CDK5RAP2: variants seen among roughly 807,000 people sequenced by gnomAD.
The protein encoded by CDK5RAP2 is CDK5 regulatory subunit-associated protein 2.
In CDK5RAP2, 147 loss-of-function variants were observed where a neutral mutation model predicts 232.9. The ratio of observed to expected loss-of-function variants is 0.63; its 90% CI spans 0.55 to 0.72. The LOEUF is 0.72. Among genes scored for constraint, CDK5RAP2 ranks in the 30% least tolerant of loss-of-function variants. The pLI, the probability that CDK5RAP2 is intolerant of heterozygous loss-of-function variation, is 0.00. For synonymous variants in CDK5RAP2, 833 were observed against 833.7 expected (o/e 1.00, Z 0.01); for missense variants, 2,195 against 2,231.5 (o/e 0.98, Z 0.33).
intron 12 of CDK5RAP2, among the ~76,000 whole-genome samples, chr9:120,496,432 G>A (rs1249070859): frequency 3.8e-5 from 5 of 131,278 alleles, no homozygotes; most frequent in East Asian, 4.9e-4. Context: ...GGGAGGTGAG[G>A]GGCGCCTCTG....
chr9:120,468,035 C>A, intron 17 of CDK5RAP2, 38 bp from the exon 18 acceptor site: 1 of 1,611,536 alleles, frequency 6.2e-7, no homozygotes, highest in Non-Finnish European at 8.5e-7. Flanking sequence ...GTCTACCCAG[C>A]AAGAGACTTC....
Position 120,493,399 on chromosome 9 carries a change from C to T in CDK5RAP2, c.1312-1922G>A, listed in dbSNP as rs768425390. ...TTTCACTTTCCTGTATGAGCTGCACCTCAGGGTAACTAAATAGGTGATGAA... is the reference window on the plus strand; with the variant it reads ...TTTCACTTTCCTGTATGAGCTGCACTTCAGGGTAACTAAATAGGTGATGAA... On this transcript the variant is annotated intron_variant, in intron 12 of 37. Transcript: ENST00000349780. Among the ~76,000 whole-genome samples the T allele has an allele frequency of 1.1e-3, 161 of 152,290 alleles. 1 individual carries two copies. The highest frequency in any genetic ancestry group is 4.9e-4 in the Non-Finnish European group (33 of 68,036).
chr9:120,517,026 G>C (rs1029157538), intron 12 of CDK5RAP2, among the ~76,000 whole-genome samples: 2 of 152,170 alleles, frequency 1.3e-5, no homozygotes, highest in African/African-American at 4.8e-5. Context: ...GAAAGGGTAT[G>C]CATCATAATT....
At chr9:120,533,687 G>A in intron 7 of CDK5RAP2, among the ~76,000 whole-genome samples, 1 of 151,388 alleles carries the variant, frequency 6.6e-6, no homozygotes, top group Non-Finnish European at 1.5e-5. Flanking sequence ...AATCCCAGCT[G>A]CTCAGGAGGC....
At chr9:120,483,032 G>A (rs1394466391) in intron 14 of CDK5RAP2, among the ~76,000 whole-genome samples, 1 of 152,252 alleles carries the variant, frequency 6.6e-6, no homozygotes, top group Non-Finnish European at 1.5e-5. Flanking sequence ...CCAAAGGGGA[G>A]TCATGAGAAG....
chr9:120,412,230 G>A (rs1451909501), intron 28 of CDK5RAP2, among the ~76,000 whole-genome samples: 1 of 150,882 alleles, frequency 6.6e-6, no homozygotes, highest in African/African-American at 2.4e-5. Context: ...CTATTTCACA[G>A]GTAACATTCA....
At chr9:120,506,488 C>T (rs1213000925) in intron 12 of CDK5RAP2, among the ~76,000 whole-genome samples, 1 of 152,172 alleles carries the variant, frequency 6.6e-6, no homozygotes, top group Non-Finnish European at 1.5e-5. Flanking sequence ...TTAAAAAATA[C>T]ATCTGTAAAG....
chr9:120,508,816 T>C, intron 12 of CDK5RAP2, among the ~76,000 whole-genome samples: 1 of 152,248 alleles, frequency 6.6e-6, no homozygotes, highest in East Asian at 1.9e-4. Context: ...ATTCGGTCCA[T>C]TCCACTATCA....
intron 12 of CDK5RAP2, among the ~76,000 whole-genome samples, chr9:120,501,036 T>C (rs1014174780): frequency 6.6e-6 from 1 of 152,196 alleles, no homozygotes; most frequent in African/African-American, 2.4e-5. Context: ...GCACCTACCA[T>C]TGTTCCAGGC....
At chr9:120,437,094 G>C (rs1414665151) in intron 25 of CDK5RAP2, among the ~76,000 whole-genome samples, 1 of 152,102 alleles carries the variant, frequency 6.6e-6, no homozygotes, top group African/African-American at 2.4e-5. Flanking sequence ...CTGGACTCCT[G>C]GTTTGTAACA....
intron 25 of CDK5RAP2, among the ~76,000 whole-genome samples, chr9:120,428,675 G>A (rs919912961): frequency 5.3e-5 from 8 of 152,132 alleles, no homozygotes; most frequent in Non-Finnish European, 1.0e-4. Context: ...TTCTACCAGA[G>A]GTACAAGGAG....
At chr9:120,419,259 CA>C (rs896727878) in intron 27 of CDK5RAP2, among the ~76,000 whole-genome samples, 8 of 152,182 alleles carry the variant, frequency 5.3e-5, no homozygotes, top group Non-Finnish European at 8.8e-5. Flanking sequence ...ATAAGTCACC[CA>C]TTCTATGGCG....
intron 32 of CDK5RAP2, chr9:120,406,706 G>A: frequency 2.6e-6 from 1 of 389,634 alleles, no homozygotes; most frequent in South Asian, 5.7e-5. Context: ...AGAAATTTCA[G>A]CATCAAAGTG....
Position 120,569,676 on chromosome 9 carries a change from G to A in CDK5RAP2, c.128-1288C>T, listed in dbSNP as rs553003855. Among the ~76,000 whole-genome samples, 99 of 152,272 alleles carry A rather than the reference G, an allele frequency of 6.5e-4. 1 individual carries two copies. Among genetic ancestry groups the A allele is most frequent in the Admixed American group, 1.8e-3 (27 of 15,290 alleles). On this transcript the variant is annotated intron_variant, in intron 2 of 37. Coordinates refer to ENST00000349780, the MANE Select transcript of CDK5RAP2 (RefSeq NM_018249.6). ...AGGTAAACAGGGACAGACTGTATAC[G>A]GTTTTTAGGCTCTTCTAAGGACTCT...
intron 15 of CDK5RAP2, among the ~76,000 whole-genome samples, chr9:120,473,555 A>G (rs988014739): frequency 1.3e-5 from 2 of 152,238 alleles, no homozygotes; most frequent in African/African-American, 4.8e-5. Context: ...AAAATAAACC[A>G]TTATGTCTAA....
intron 21 of CDK5RAP2, among the ~76,000 whole-genome samples, chr9:120,449,326 G>A (rs1368495279): frequency 6.6e-6 from 1 of 152,156 alleles, no homozygotes. Context: ...ACCAAGGCAG[G>A]GCTCCCTATT....
rs753379528 is a variant in CDK5RAP2, at chr9:120,448,110, CG to C, written c.2809del (p.Arg937AlafsTer5). The C allele has an allele frequency of 6.2e-7, 1 of 1,613,932 alleles. No homozygotes were observed. Among genetic ancestry groups the C allele is most frequent in the Admixed American group, 1.7e-5 (1 of 60,020 alleles). On this transcript the variant is annotated frameshift_variant, in exon 22 of 38. Coordinates refer to ENST00000349780, the MANE Select transcript of CDK5RAP2 (RefSeq NM_018249.6). LOFTEE classifies it high-confidence loss of function. ...GITNREAKKS[R>X]LPILIKPSRS... The stretch of plus-strand genomic sequence containing the variant: ...GGATGGTTTTATTAGGATTGGCAAG[CG>C]GGACTTCTTAGCCTCCTGAAAACAC...
intron 15 of CDK5RAP2, among the ~76,000 whole-genome samples, chr9:120,473,522 A>G (rs1032140114): frequency 2.0e-5 from 3 of 152,282 alleles, no homozygotes; most frequent in Admixed American, 1.3e-4. Flanking sequence ...GACTGCACAC[A>G]TAAATCAACA....
intron 25 of CDK5RAP2, among the ~76,000 whole-genome samples, chr9:120,433,185 A>T (rs1405030003): frequency 6.6e-6 from 1 of 152,188 alleles, no homozygotes; most frequent in African/African-American, 2.4e-5. Flanking sequence ...GGCCATCATA[A>T]ACCATCTATT....
Sources: gnomAD v4.1 joint callset for allele counts (sites outside exome capture counted in the v4.1 genomes callset) on GRCh38, gnomAD v4.1.1 for gene constraint, MANE v1.5 for transcripts, NCBI Gene and HGNC (gene_info 2026-07-23, HGNC 2026-07-21) for gene names.